The following GUCA1A variants were observed in gnomAD, a reference collection of about 807,000 sequenced individuals.
The protein encoded by GUCA1A is guanylate cyclase activator 1A.
In GUCA1A, 14 loss-of-function variants were observed where a neutral mutation model predicts 18.5. The observed-to-expected ratio is 0.76, with a 90% CI of 0.50 to 1.18. The LOEUF is 1.18. GUCA1A is among the 50% of genes most tolerant of loss of function. GUCA1A has a pLI of 0.00. For synonymous variants in GUCA1A, 97 were observed against 100.2 expected, an observed-to-expected ratio of 0.97 and a Z score of 0.19; for missense variants, 264 against 262.4, an observed-to-expected ratio of 1.01 and a Z score of -0.04.
chr6:42,177,846 G>C (rs1156264701), intron 1 of GUCA1A, among the ~76,000 whole-genome samples: 1 of 152,150 alleles, frequency 6.6e-6, no homozygotes, highest in African/African-American at 2.4e-5. Context: ...ACTCCCAAAA[G>C]CTCACCCAAA....
At position 42,178,289 on chromosome 6, in the gene GUCA1A, A is replaced by C; in HGVS notation, c.211A>C (p.Ile71Leu). 6.2e-7 allele frequency: 1 copy of C among 1,613,980 alleles called. No individual in the cohort carries two copies. The highest frequency in any genetic ancestry group is 8.5e-7 in the Non-Finnish European group (1 of 1,180,020). ...CGCGCCCCTCGCCCAGGACGGCTAC[A>C]TTGATTTCATGGAGTACGTGGCAGC... ...ETFDFNKDGY[I>L]DFMEYVAALS... is the part of the protein sequence containing the mutation. The change falls in exon 2 of 4, where the codon ATT (isoleucine) becomes CTT (leucine). Residue 71 changes from isoleucine to leucine, a missense_variant. Ile to Leu is a conservative substitution (Grantham distance 5, BLOSUM62 2). Transcript: ENST00000372958.
At chr6:42,178,159 T>TC in intron 1 of GUCA1A, 121 bp from the exon 2 acceptor site, 1 of 1,163,358 alleles carries the variant, frequency 8.6e-7, no homozygotes, top group Non-Finnish European at 1.3e-6. Context: ...GGTCCGGGTC[T>TC]CCCCTCAGCG....
intron 1 of GUCA1A, among the ~76,000 whole-genome samples, chr6:42,176,547 C>T (rs969224769): frequency 7.9e-5 from 12 of 152,130 alleles, no homozygotes; most frequent in Non-Finnish European, 1.3e-4. Flanking sequence ...GATTCTTCTG[C>T]CTCAGCCTCC....
At position 42,173,464 on chromosome 6, in the gene GUCA1A, A is replaced by G; in HGVS notation, c.-150A>G. 1.4e-6 allele frequency: 1 copy of G among 694,588 alleles called. No individual in the cohort carries two copies. The highest frequency in any genetic ancestry group is 2.7e-5 in the East Asian group (1 of 37,068). The allele number at this position is 694,588 out of a possible 1,614,324, so 43.0% of individuals were successfully genotyped here. ...CTCCCTCTCCACATTTCCCGGTACCATCTGATCCATCAGGCCCTTCTTTGC... is the reference window on the plus strand; with the variant it reads ...CTCCCTCTCCACATTTCCCGGTACCGTCTGATCCATCAGGCCCTTCTTTGC... On this transcript the variant is annotated 5_prime_UTR_variant, in exon 1 of 4. Transcript: ENST00000372958.
rs1334495146 is a variant in GUCA1A, at chr6:42,173,876, C to T, written c.201+62C>T. The T allele has an allele frequency of 3.2e-6, 4 of 1,252,942 alleles. No homozygotes were observed. In the South Asian group the frequency reaches 3.6e-5, roughly 11 times the overall value. The allele number at this position is 1,252,942 out of a possible 1,614,324, so 77.6% of individuals were successfully genotyped here. A position where few individuals can be genotyped will look rare whatever the true frequency, so the allele number is the denominator to read the frequency against. On this transcript the variant is annotated intron_variant, in intron 1 of 3. Coordinates refer to ENST00000372958, the MANE Select transcript of GUCA1A (RefSeq NM_001384910.1). ...GGAGGGACCCCTCTGGAAGCCTGAC[C>T]AGCTGGGGGTGAGGAAGAGCAGAGA...
At chr6:42,173,864 T>C in intron 1 of GUCA1A, 50 bp downstream of exon 1, 1 of 1,411,538 alleles carries the variant, frequency 7.1e-7, no homozygotes, top group Non-Finnish European at 1.0e-6. Flanking sequence ...GGGACCCCTC[T>C]GGAAGCCTGA....
At position 42,177,727 on chromosome 6, in the gene GUCA1A, T is replaced by A. The variant is rs377522675; in HGVS notation, c.202-553T>A. On this transcript the variant is annotated intron_variant, in intron 1 of 3. Coordinates refer to ENST00000372958, the MANE Select transcript of GUCA1A (RefSeq NM_001384910.1). ...TGTCTAGGGGCCTCTCTGGGCTCTG[T>A]GCTGATGACAGTCCTGGGAGGTGGG... Among the ~76,000 whole-genome samples the A allele has an allele frequency of 1.1e-3, 169 of 152,308 alleles. 2 individuals are homozygous for A. Among genetic ancestry groups the A allele is most frequent in the African/African-American group, 3.8e-3 (159 of 41,572 alleles).
chr6:42,177,878 T>TAC (rs1767999143), intron 1 of GUCA1A, among the ~76,000 whole-genome samples: 1 of 151,964 alleles, frequency 6.6e-6, no homozygotes, highest in Non-Finnish European at 1.5e-5. Flanking sequence ...TCCCTGGGGG[T>TAC]GCAGTTCTTC....
In GUCA1A at chr6:42,179,416, G is replaced by C; in HGVS notation, c.*13G>C. On this transcript the variant is annotated 3_prime_UTR_variant, in exon 4 of 4. Transcript: ENST00000372958. ...GGCAGCCGGCTGAGTGCACCGCCCGGCTGCTTCTGCACTAGCGGGTGGGGT... is the reference window on the plus strand; with the variant it reads ...GGCAGCCGGCTGAGTGCACCGCCCGCCTGCTTCTGCACTAGCGGGTGGGGT... 6.4e-7 allele frequency: 1 copy of C among 1,568,416 alleles called. No homozygotes were observed. The highest frequency in any genetic ancestry group is 8.7e-7 in the Non-Finnish European group (1 of 1,154,512).
chr6:42,175,276 A>C (rs1021130175), intron 1 of GUCA1A, among the ~76,000 whole-genome samples: 1 of 150,970 alleles, frequency 6.6e-6, no homozygotes, highest in South Asian at 2.1e-4. Flanking sequence ...GGACCCTTAC[A>C]GTCACACATA....
chr6:42,179,105 C>A, intron 3 of GUCA1A, 138 bp from the exon 4 acceptor site: 1 of 940,268 alleles, frequency 1.1e-6, no homozygotes, highest in Non-Finnish European at 1.7e-6. Flanking sequence ...GGTTCCTCTG[C>A]TTGCTGCACC....
Position 42,178,809 on chromosome 6 carries a change from G to A in GUCA1A, c.359G>A (p.Arg120His), listed in dbSNP as rs1582323732. 6.2e-7 allele frequency: 1 copy of A among 1,612,386 alleles called. No homozygotes were observed. Among genetic ancestry groups the A allele is most frequent in the Non-Finnish European group, 8.5e-7 (1 of 1,178,492 alleles). Residue 120 changes from arginine to histidine, a missense_variant, in exon 3 of 4, where the codon CGC becomes CAC. Coordinates refer to ENST00000372958, the MANE Select transcript of GUCA1A (RefSeq NM_001384910.1). ...DELLTIIQAIRAINPCSDTTM... is the reference protein window; with the variant it reads ...DELLTIIQAIHAINPCSDTTM... ...CCCCTTCTTCCCTCCCAGGCCATTC[G>A]CGCCATTAACCCCTGCAGCGATACC... is the stretch of plus-strand genomic sequence containing the variant.
chr6:42,176,934 A>C (rs1480035607), intron 1 of GUCA1A, among the ~76,000 whole-genome samples: 1 of 152,186 alleles, frequency 6.6e-6, no homozygotes, highest in African/African-American at 2.4e-5. Context: ...TTACAGAAAA[A>C]GTTTGCCATT....
At chr6:42,179,023 C>G (rs1768040111) in intron 3 of GUCA1A, 128 bp downstream of exon 3, 1 of 886,830 alleles carries the variant, frequency 1.1e-6, no homozygotes, top group African/African-American at 1.7e-5. Context: ...GTGCTGGTCA[C>G]TTCCTCCACC....
intron 1 of GUCA1A, among the ~76,000 whole-genome samples, chr6:42,177,357 A>G (rs145954136): frequency 6.6e-6 from 1 of 152,292 alleles, no homozygotes; most frequent in East Asian, 1.9e-4. Flanking sequence ...GTCCATGGAG[A>G]GCACTAAGAA....
Position 42,178,282 on chromosome 6 carries a change from C to A in GUCA1A, c.204C>A (p.Asp68Glu). Residue 68 changes from aspartate to glutamate, a missense_variant and splice_region_variant, in exon 2 of 4, where the codon GAC becomes GAA. Transcript: ENST00000372958. ...QMFETFDFNK[D>E]GYIDFMEYVA... ...CGGCGGCCGCGCCCCTCGCCCAGGA[C>A]GGCTACATTGATTTCATGGAGTACG... 6.2e-7 allele frequency: 1 copy of A among 1,613,768 alleles called. No individual in the cohort carries two copies. Among genetic ancestry groups the A allele is most frequent in the Non-Finnish European group, 8.5e-7 (1 of 1,180,002 alleles).
chr6:42,176,425 G>GT (rs11435399), intron 1 of GUCA1A, among the ~76,000 whole-genome samples: 15,392 of 151,738 alleles, frequency 0.1, 2,599 homozygotes, highest in African/African-American at 0.35. Flanking sequence ...TTGTTGTTTT[G>GT]TTTTTTGTTG....
chr6:42,178,421 A>G lies in GUCA1A; in HGVS notation c.343A>G (p.Ile115Val), dbSNP rs777021460. Residue 115 changes from isoleucine (I) to valine (V), a missense_variant, in exon 2 of 4, where the codon ATC becomes GTC. Transcript: ENST00000372958. Reference protein sequence around the residue: ...GCIDRDELLTIIQAIRAINPC... With the variant: ...GCIDRDELLTVIQAIRAINPC... ...CATTGACCGCGATGAGCTGCTCACC[A>G]TCATCCAGGTGCAGAGGGCCCGGCC... 6.2e-7 allele frequency: 1 copy of G among 1,613,888 alleles called. No individual in the cohort carries two copies. Among genetic ancestry groups the G allele is most frequent in the Non-Finnish European group, 8.5e-7 (1 of 1,179,876 alleles).
rs1768006871 is a variant in GUCA1A at position 42,178,179 on chromosome 6, G to C, written c.202-101G>C. The C allele has an allele frequency of 1.1e-5, 15 of 1,402,890 alleles. No individual in the cohort carries two copies. In the South Asian group the frequency reaches 1.6e-4, roughly 15 times the overall value. 86.9% of individuals were successfully genotyped at this position (1,402,890 alleles called of 1,614,324 possible). A position where few individuals can be genotyped will look rare whatever the true frequency, so the allele number is the denominator to read the frequency against. ...GGGTCTCCCCTCAGCGTCTCTTGGG[G>C]CTTGCCGAGATGGGCGGAGCCTTGG... On this transcript the variant is annotated intron_variant, in intron 1 of 3. Coordinates refer to ENST00000372958, the MANE Select transcript of GUCA1A (RefSeq NM_001384910.1).
Sources: gnomAD v4.1 joint callset for allele counts (sites outside exome capture counted in the v4.1 genomes callset) on GRCh38, gnomAD v4.1.1 for gene constraint, MANE v1.5 for transcripts, NCBI Gene and HGNC (gene_info 2026-07-23, HGNC 2026-07-21) for gene names.